The following PCDHGA1 variants were observed in gnomAD, a reference collection of about 807,000 sequenced individuals.
PCDHGA1 encodes the protein protocadherin gamma-A1.
Under a neutral mutation model 58.0 loss-of-function variants are expected in PCDHGA1, and 32 were observed. The observed-to-expected ratio is 0.55, with a 90% CI of 0.42 to 0.74. PCDHGA1 has a LOEUF of 0.74. Ranked by LOEUF, PCDHGA1 falls within the 30% of genes least tolerant of loss-of-function variation. The pLI is 0.00. For missense variants in PCDHGA1, 1,205 were observed against 1,182.3 expected (o/e 1.02, Z -0.28); for synonymous variants, 498 against 501.1 (o/e 0.99, Z 0.08).
intron 1 of PCDHGA1, chr5:141,422,554 G>A (rs753985751): frequency 1.2e-5 from 19 of 1,613,870 alleles, no homozygotes; most frequent in Non-Finnish European, 1.6e-5. Flanking sequence ...CTGGCTGAAT[G>A]TGGCAGATGA....
chr5:141,356,198 T>C, intron 1 of PCDHGA1: 1 of 1,608,990 alleles, frequency 6.2e-7, no homozygotes, highest in Non-Finnish European at 8.5e-7. Flanking sequence ...AGAAGCAAGG[T>C]ACTGGTGACA....
chr5:141,398,018 A>G, intron 1 of PCDHGA1: 1 of 1,425,774 alleles, frequency 7.0e-7, no homozygotes, highest in East Asian at 2.5e-5. Flanking sequence ...TCGTTTCCTA[A>G]ACTGGAACTG....
chr5:141,362,432 A>G (rs776686357), intron 1 of PCDHGA1: 16 of 1,613,806 alleles, frequency 9.9e-6, no homozygotes, highest in African/African-American at 2.7e-5. Flanking sequence ...ACAGAGTTCA[A>G]TTTTCTGAAC....
At chr5:141,501,516 C>A (rs763346187) in intron 2 of PCDHGA1, among the ~76,000 whole-genome samples, 1 of 152,010 alleles carries the variant, frequency 6.6e-6, no homozygotes, top group Non-Finnish European at 1.5e-5. Flanking sequence ...GGCCTCCAAG[C>A]TGAAGCCCAG....
rs762574320 is a variant in PCDHGA1, at chr5:141,485,926, G to A, written c.2422-8881G>A. The A allele has an allele frequency of 2.0e-5, 32 of 1,614,090 alleles. No individual in the cohort carries two copies. Among genetic ancestry groups the A allele is most frequent in the Admixed American group, 1.2e-4 (7 of 60,006 alleles). ...AGCAATCCAGCTACAGGATTAGTGT[G>A]TTGGAGAGCGCACCAGCGGGCATGG... On this transcript the variant is annotated intron_variant, in intron 1 of 3. Transcript: ENST00000517417. The surrounding 1 kb of genome is among the most constrained non-coding windows in gnomAD (Gnocchi z 5.7).
rs769872504 is a variant in PCDHGA1, at chr5:141,394,062, A to G, written c.2421+60957A>G. 2.5e-6 allele frequency: 4 copies of G among 1,613,808 alleles called. No homozygotes were observed. The South Asian group carries it at 4.4e-5, about 18-fold the overall frequency. On this transcript the variant is annotated intron_variant, in intron 1 of 3. Coordinates refer to ENST00000517417, the MANE Select transcript of PCDHGA1 (RefSeq NM_018912.3). ...ATATTTGGACCGAGAAAATGTCTCT[A>G]TCTACAATATCACAGTGATGGCCTC... is the stretch of plus-strand genomic sequence containing the variant.
At position 141,364,360 on chromosome 5, in the gene PCDHGA1, C is replaced by G. The variant is rs200312693; in HGVS notation, c.2421+31255C>G. 3.8e-6 allele frequency: 6 copies of G among 1,558,464 alleles called. No individual in the cohort carries two copies. The highest frequency in any genetic ancestry group is 1.7e-4 in the Middle Eastern group (1 of 5,766). On this transcript the variant is annotated intron_variant, in intron 1 of 3. Coordinates refer to ENST00000517417, the MANE Select transcript of PCDHGA1 (RefSeq NM_018912.3). ...CGAGTCCACCTAGGGGCTGGGGCTGCGGAGAGCTGCTGCTGCCCTTCATGC... is the reference window on the plus strand; with the variant it reads ...CGAGTCCACCTAGGGGCTGGGGCTGGGGAGAGCTGCTGCTGCCCTTCATGC...
intron 1 of PCDHGA1, among the ~76,000 whole-genome samples, chr5:141,482,652 G>C (rs1276348234): frequency 6.6e-6 from 1 of 152,074 alleles, no homozygotes; most frequent in African/African-American, 2.4e-5. Flanking sequence ...GGTGATGCTT[G>C]AGCTATGATC....
At chr5:141,478,169 G>T in intron 1 of PCDHGA1, 1 of 1,613,834 alleles carries the variant, frequency 6.2e-7, no homozygotes, top group Non-Finnish European at 8.5e-7. Flanking sequence ...TGCCCCCCGG[G>T]AGCAGAAAAA....
At position 141,331,681 on chromosome 5, in the gene PCDHGA1, G is replaced by A; in HGVS notation, c.997G>A (p.Val333Ile). The A allele has an allele frequency of 6.2e-7, 1 of 1,613,908 alleles. No individual in the cohort carries two copies. ...TGCGGGGCTCATGGCTAAAGTTAAG[G>A]TACTGATCAAAGTTTTGGATGTAAA... is the stretch of plus-strand genomic sequence containing the variant. ...DGAGLMAKVK[V>I]LIKVLDVNDN... The change falls in exon 1 of 4, where the codon GTA becomes ATA. Residue 333 changes from valine to isoleucine, a missense_variant. Coordinates refer to ENST00000517417, the MANE Select transcript of PCDHGA1 (RefSeq NM_018912.3).
chr5:141,331,970 C>A lies in PCDHGA1; in HGVS notation c.1286C>A (p.Thr429Asn). The change falls in exon 1 of 4, where the codon ACT becomes AAT. Residue 429 changes from threonine (T) to asparagine (N), a missense_variant. Transcript: ENST00000517417. The part of the protein sequence containing the change: ...NITITAIDQG[T>N]PALSTETHIS... ...ACAATAACAGCAATAGACCAAGGAA[C>A]TCCAGCTCTATCTACTGAAACTCAC... 6.2e-7 allele frequency: 1 copy of A among 1,614,154 alleles called. No individual in the cohort carries two copies. Among genetic ancestry groups the A allele is most frequent in the Non-Finnish European group, 8.5e-7 (1 of 1,180,014 alleles).
intron 1 of PCDHGA1, chr5:141,351,573 T>A: frequency 6.2e-7 from 1 of 1,613,942 alleles, no homozygotes; most frequent in Admixed American, 1.7e-5. Flanking sequence ...ACCCTGCACA[T>A]CTCCGACATC....
At chr5:141,438,720 G>A (rs1393152221) in intron 1 of PCDHGA1, among the ~76,000 whole-genome samples, 1 of 147,892 alleles carries the variant, frequency 6.8e-6, no homozygotes, top group Non-Finnish European at 1.5e-5. Flanking sequence ...GAGTGCAAGT[G>A]GTGTGATCTC....
intron 1 of PCDHGA1, chr5:141,421,916 G>A (rs754653877): frequency 2.5e-6 from 4 of 1,613,646 alleles, no homozygotes; most frequent in Non-Finnish European, 2.5e-6. Flanking sequence ...GTTCCCATTC[G>A]TGTGGTGGTC....
chr5:141,502,487 C>A (rs563658817), intron 2 of PCDHGA1, among the ~76,000 whole-genome samples: 1 of 152,182 alleles, frequency 6.6e-6, no homozygotes, highest in Non-Finnish European at 1.5e-5. Context: ...CACACTGGGA[C>A]TCATCTAACG....
chr5:141,363,215 A>G (rs1203436108), intron 1 of PCDHGA1, among the ~76,000 whole-genome samples: 1 of 152,272 alleles, frequency 6.6e-6, no homozygotes, highest in Non-Finnish European at 1.5e-5. Context: ...ATTGAGAAAA[A>G]TCTTACAACC....
intron 1 of PCDHGA1, chr5:141,342,024 C>T (rs1245239182): frequency 6.5e-6 from 1 of 153,608 alleles, no homozygotes; most frequent in Non-Finnish European, 1.4e-5. Context: ...TCACATTAAC[C>T]TCTAAGCTAT....
intron 1 of PCDHGA1, chr5:141,421,202 C>A: frequency 1.3e-6 from 2 of 1,519,344 alleles, no homozygotes; most frequent in Non-Finnish European, 1.8e-6. Flanking sequence ...CTCGAGAAAC[C>A]GCGGAATATC....
intron 1 of PCDHGA1, chr5:141,365,491 T>C (rs1421150605): frequency 1.9e-6 from 3 of 1,614,014 alleles, no homozygotes; most frequent in Non-Finnish European, 2.5e-6. Flanking sequence ...GCTCTATTCC[T>C]AGGAATTTGC....
Sources: gnomAD v4.1 joint callset for allele counts (sites outside exome capture counted in the v4.1 genomes callset) on GRCh38, gnomAD v4.1.1 for gene constraint, Gnocchi (gnomAD v3.1) non-coding constraint, MANE v1.5 for transcripts, NCBI Gene and HGNC (gene_info 2026-07-23, HGNC 2026-07-21) for gene names.